Variants in CFAP54 observed in about 807,000 individuals in gnomAD.
CFAP54 encodes the protein cilia- and flagella-associated protein 54.
A neutral mutation model predicts 370.4 loss-of-function variants in CFAP54; 290 were observed. That is an observed-to-expected ratio of 0.78 (90% CI 0.71 to 0.86). CFAP54 has a LOEUF of 0.86. Among genes scored for constraint, CFAP54 ranks in the 40% least tolerant of loss-of-function variants. The probability of loss-of-function intolerance (pLI) is 0.00; values close to 1 mark genes in which losing one functional copy is unlikely to be tolerated. For synonymous variants in CFAP54, 1,206 were observed against 1,236.5 expected, an observed-to-expected ratio of 0.98 and a Z score of 0.52; for missense variants, 3,399 against 3,528.7, an observed-to-expected ratio of 0.96 and a Z score of 0.93.
At chr12:96,678,454 G>A (rs1281987945) in intron 39 of CFAP54, among the ~76,000 whole-genome samples, 1 of 152,078 alleles carries the variant, frequency 6.6e-6, no homozygotes, top group Non-Finnish European at 1.5e-5. Flanking sequence ...GTTTCACCGT[G>A]TTGGCCAGGA....
In CFAP54 at chr12:96,527,387, G is replaced by A; in HGVS notation, c.1300G>A (p.Val434Met). The A allele has an allele frequency of 6.5e-7, 1 of 1,534,436 alleles. No homozygotes were observed. The highest frequency in any genetic ancestry group is 8.7e-7 in the Non-Finnish European group (1 of 1,146,006). Reference protein sequence around the residue: ...LQTGPIVTDEVEIHDVVSELF... With the variant: ...LQTGPIVTDEMEIHDVVSELF... ...AACTGGACCCATTGTTACAGATGAA[G>A]TGGAGATTCATGATGTTGTCTCAGA... Residue 434 changes from valine (V) to methionine (M), a missense_variant, in exon 9 of 68, where the codon GTG (valine) becomes ATG (methionine). Val to Met is a conservative substitution (Grantham distance 21). Around this residue, in one of 3 missense-constraint regions of CFAP54, gnomAD observed 559 missense variants for 576.7 expected, o/e 0.97. Transcript: ENST00000524981.
At chr12:96,743,695 A>C in intron 53 of CFAP54, 36 bp from the exon 54 acceptor site, 1 of 1,560,914 alleles carries the variant, frequency 6.4e-7, no homozygotes, top group Non-Finnish European at 8.7e-7. Flanking sequence ...TGAATTGGAA[A>C]CAGTACTATC....
intron 2 of CFAP54, 135 bp from the exon 3 acceptor site, chr12:96,503,751 G>T (rs1955058729): frequency 2.7e-6 from 2 of 732,120 alleles, no homozygotes; most frequent in Non-Finnish European, 4.2e-6. Context: ...CTATGTTTTT[G>T]GAAAATGGAG....
chr12:96,846,582 C>T (rs1399170865), intron 66 of CFAP54, among the ~76,000 whole-genome samples: 6 of 152,114 alleles, frequency 3.9e-5, no homozygotes, highest in African/African-American at 9.7e-5. Context: ...TGAATATGTA[C>T]GGCCTAAACT....
At chr12:96,565,647 G>A (rs1230812465) in intron 19 of CFAP54, among the ~76,000 whole-genome samples, 2 of 152,120 alleles carry the variant, frequency 1.3e-5, no homozygotes, top group Non-Finnish European at 2.9e-5. Flanking sequence ...TTAATACACA[G>A]AGCCAAGGCC....
At chr12:96,660,308 T>G (rs1324839682) in intron 38 of CFAP54, among the ~76,000 whole-genome samples, 1 of 152,202 alleles carries the variant, frequency 6.6e-6, no homozygotes, top group African/African-American at 2.4e-5. Context: ...TCCGAGGATT[T>G]TTTGTTGCTT....
At chr12:96,713,761 G>A (rs530449409) in intron 48 of CFAP54, among the ~76,000 whole-genome samples, 77 of 152,144 alleles carry the variant, frequency 5.1e-4, no homozygotes, top group African/African-American at 1.8e-3. Flanking sequence ...TTGAGCACAG[G>A]TCTAAAAGAG....
At position 96,860,851 on chromosome 12, in the gene CFAP54, C is replaced by T. The variant is rs1959861950; in HGVS notation, c.9204C>T (p.Phe3068=). ...VPFDISLPSI[F]NLERLFDLAN... is the part of the protein sequence containing the mutation. The stretch of plus-strand genomic sequence containing the variant: ...TTGATATCTCACTGCCGTCTATATT[C>T]AATCTTGAGAGACTTTTTGATCTGG... Residue 3068 remains phenylalanine (F), a synonymous_variant, in exon 67 of 68, where the codon TTC becomes TTT. Coordinates refer to ENST00000524981, the MANE Select transcript of CFAP54 (RefSeq NM_001306084.2). 2 of 1,533,602 alleles carry T rather than the reference C, an allele frequency of 1.3e-6. No homozygotes were observed. Among genetic ancestry groups the T allele is most frequent in the Non-Finnish European group, 1.7e-6 (2 of 1,145,326 alleles). 95.0% of individuals were successfully genotyped at this position (1,533,602 alleles called of 1,614,324 possible).
At chr12:96,609,674 C>G (rs1956334550) in intron 26 of CFAP54, among the ~76,000 whole-genome samples, 1 of 152,026 alleles carries the variant, frequency 6.6e-6, no homozygotes. Flanking sequence ...CCATGACGAT[C>G]TGGTAAAAAA....
intron 60 of CFAP54, among the ~76,000 whole-genome samples, chr12:96,765,482 G>T (rs1025238588): frequency 3.6e-4 from 55 of 152,068 alleles, no homozygotes; most frequent in African/African-American, 1.2e-3. Context: ...TTCTTTTCCA[G>T]TTCACACATA....
chr12:96,834,679 C>T (rs909438441), intron 66 of CFAP54, among the ~76,000 whole-genome samples: 2 of 152,224 alleles, frequency 1.3e-5, no homozygotes, highest in African/African-American at 2.4e-5. Flanking sequence ...ACAGCCTTGG[C>T]TTGGGGATCT....
intron 50 of CFAP54, among the ~76,000 whole-genome samples, chr12:96,734,563 C>T (rs969830524): frequency 6.6e-6 from 1 of 152,074 alleles, no homozygotes; most frequent in African/African-American, 2.4e-5. Flanking sequence ...CTGTTATTAT[C>T]ATCATTACTG....
Position 96,800,787 on chromosome 12 carries a change from A to G in CFAP54, c.8850+8288A>G, listed in dbSNP as rs372168069. Among the ~76,000 whole-genome samples, 6 of 152,336 alleles carry G rather than the reference A, an allele frequency of 3.9e-5. No homozygotes were observed. The South Asian group carries it at 1.2e-3, about 32-fold the overall frequency. On this transcript the variant is annotated intron_variant, in intron 63 of 67. Transcript: ENST00000524981. ...ATGTTCAAAGCACTTTACTTACATC[A>G]TTTCACAGCAACTCTATAAGATAAA... is the stretch of plus-strand genomic sequence containing the variant.
chr12:96,783,313 A>C (rs1958597919), intron 60 of CFAP54, among the ~76,000 whole-genome samples: 1 of 152,242 alleles, frequency 6.6e-6, no homozygotes, highest in Non-Finnish European at 1.5e-5. Context: ...TTGTAATCCA[A>C]GGTGGGTGGT....
chr12:96,562,439 T>C (rs1017599520), intron 17 of CFAP54, among the ~76,000 whole-genome samples: 2 of 150,440 alleles, frequency 1.3e-5, no homozygotes, highest in African/African-American at 4.9e-5. Context: ...TTTTTTTTTT[T>C]TTTTTTTAAG....
chr12:96,563,691 A>T (rs992559683), intron 17 of CFAP54, among the ~76,000 whole-genome samples: 2 of 152,180 alleles, frequency 1.3e-5, no homozygotes, highest in African/African-American at 4.8e-5. Context: ...ATGGTGGCTC[A>T]TGTGCATTAG....
chr12:96,607,223 C>T (rs1013440987), intron 26 of CFAP54, among the ~76,000 whole-genome samples: 11 of 151,918 alleles, frequency 7.2e-5, no homozygotes, highest in Non-Finnish European at 1.3e-4. Flanking sequence ...AAGAAAAAAG[C>T]AATTACTCGC....
At chr12:96,812,817 G>A (rs1958940486) in intron 64 of CFAP54, among the ~76,000 whole-genome samples, 2 of 152,112 alleles carry the variant, frequency 1.3e-5, no homozygotes. Flanking sequence ...TTCAAGTGCT[G>A]GGCATATTTT....
chr12:96,750,821 C>T (rs569024048), intron 55 of CFAP54, among the ~76,000 whole-genome samples: 1 of 152,278 alleles, frequency 6.6e-6, no homozygotes, highest in South Asian at 2.1e-4. Context: ...ATATTAAACA[C>T]AGACTTAAAA....
Sources: allele counts gnomAD v4.1 joint callset (sites outside exome capture counted in the v4.1 genomes callset), GRCh38; gene constraint gnomAD v4.1.1; regional missense constraint gnomAD v4.1.1; transcripts MANE v1.5; gene names NCBI Gene and HGNC (gene_info 2026-07-23, HGNC 2026-07-21).